Variants in PLXDC2 observed in about 807,000 individuals in gnomAD.
PLXDC2 encodes plexin domain containing 2.
A neutral mutation model predicts 68.9 loss-of-function variants in PLXDC2; 40 were observed. The ratio of observed to expected loss-of-function variants is 0.58; its 90% confidence interval spans 0.45 to 0.76. PLXDC2 has a LOEUF of 0.76. PLXDC2 is among the 30% of genes least tolerant of loss of function. PLXDC2 has a pLI of 0.00. For missense variants in PLXDC2, 644 were observed against 661.9 expected (o/e 0.97, Z 0.30); for synonymous variants, 243 against 234.2 (o/e 1.04, Z -0.34).
At chr10:20,143,655 G>A (rs1047171460) in intron 5 of PLXDC2, among the ~76,000 whole-genome samples, 2 of 151,982 alleles carry the variant, frequency 1.3e-5, no homozygotes, top group Non-Finnish European at 2.9e-5. Flanking sequence ...CTGTAGACAA[G>A]ACCTCAGACA....
At chr10:19,830,059 C>A (rs1208749928) in intron 1 of PLXDC2, among the ~76,000 whole-genome samples, 2 of 152,170 alleles carry the variant, frequency 1.3e-5, no homozygotes, top group African/African-American at 4.8e-5. Flanking sequence ...TAATTTGCTT[C>A]TCTGGAGAGA....
chr10:19,935,598 G>A (rs1157990831), intron 1 of PLXDC2, among the ~76,000 whole-genome samples: 1 of 152,202 alleles, frequency 6.6e-6, no homozygotes, highest in Non-Finnish European at 1.5e-5. Flanking sequence ...AAGAGGCAAA[G>A]AGATGCTTGG....
intron 1 of PLXDC2, among the ~76,000 whole-genome samples, chr10:19,835,038 C>T (rs528336680): frequency 2.6e-5 from 4 of 152,218 alleles, no homozygotes; most frequent in African/African-American, 9.6e-5. Context: ...GATGGAAAGG[C>T]ATCCTGAACA....
chr10:20,164,693 G>T, intron 7 of PLXDC2, 126 bp downstream of exon 7: 1 of 729,706 alleles, frequency 1.4e-6, no homozygotes, highest in Non-Finnish European at 2.4e-6. Context: ...ATTAATGCTT[G>T]TTAATTCTGT....
At chr10:20,184,864 T>C (rs991951292) in intron 9 of PLXDC2, among the ~76,000 whole-genome samples, 1 of 151,706 alleles carries the variant, frequency 6.6e-6, no homozygotes, top group Non-Finnish European at 1.5e-5. Context: ...TGGATGAAGA[T>C]GGAAACAATA....
intron 1 of PLXDC2, among the ~76,000 whole-genome samples, chr10:19,965,718 TG>T (rs35811823): frequency 0.38 from 51,604 of 135,252 alleles, 9,348 homozygotes; most frequent in Middle Eastern, 0.43. Flanking sequence ...CAGTTTTTTT[TG>T]GGGGGGGGGG....
chr10:20,044,207 C>CTGTCTTTCTTTCTT (rs1409929525), intron 2 of PLXDC2, among the ~76,000 whole-genome samples: 1 of 89,958 alleles, frequency 1.1e-5, no homozygotes, highest in African/African-American at 4.9e-5. Context: ...CTCTCTCTCT[C>CTGTCTTTCTTTCTT]TCTGTCTTTC....
chr10:19,923,139 T>C (rs1434498945), intron 1 of PLXDC2, among the ~76,000 whole-genome samples: 1 of 152,216 alleles, frequency 6.6e-6, no homozygotes, highest in Non-Finnish European at 1.5e-5. Context: ...AGTTGTAAAT[T>C]GCCAGCATTA....
intron 1 of PLXDC2, among the ~76,000 whole-genome samples, chr10:19,957,621 T>G (rs922218717): frequency 1.3e-5 from 2 of 152,144 alleles, no homozygotes; most frequent in Non-Finnish European, 2.9e-5. Context: ...TGGCTCCTCA[T>G]GATGGGCATG....
chr10:20,196,704 T>C (rs1260740507), intron 9 of PLXDC2, among the ~76,000 whole-genome samples: 3 of 152,154 alleles, frequency 2.0e-5, no homozygotes, highest in Non-Finnish European at 4.4e-5. Context: ...TTGCAGTTGT[T>C]AAATGGGAAA....
intron 1 of PLXDC2, among the ~76,000 whole-genome samples, chr10:19,994,828 C>T (rs952003858): frequency 3.3e-5 from 5 of 151,892 alleles, no homozygotes; most frequent in African/African-American, 7.3e-5. Flanking sequence ...CTGCAACCTC[C>T]GCTTCCCGTG....
At chr10:20,262,353 G>A (rs1340290868) in intron 13 of PLXDC2, among the ~76,000 whole-genome samples, 1 of 152,200 alleles carries the variant, frequency 6.6e-6, no homozygotes. Context: ...GTTATCTGAA[G>A]TTTCAGTGTG....
At chr10:20,244,195 A>G (rs1216569023) in intron 12 of PLXDC2, among the ~76,000 whole-genome samples, 2 of 152,328 alleles carry the variant, frequency 1.3e-5, no homozygotes, top group South Asian at 2.1e-4. Flanking sequence ...TTAAGATACA[A>G]CTTACTGTAT....
rs1462811822 is a variant in PLXDC2 at position 20,106,868 on chromosome 10, A to G, written c.542-36427A>G. ...TATATACCATATACCATAATATACA[A>G]TATACTATTTGCTATATCGTGGATG... On this transcript the variant is annotated intron_variant, in intron 4 of 13. Coordinates refer to ENST00000377252, the MANE Select transcript of PLXDC2 (RefSeq NM_032812.9). 2.6e-5 allele frequency among the ~76,000 whole-genome samples: 4 copies of G among 151,846 alleles called. No individual in the cohort carries two copies. In the South Asian group the frequency reaches 6.2e-4, roughly 24 times the overall value.
chr10:19,833,683 A>G (rs1768863979), intron 1 of PLXDC2, among the ~76,000 whole-genome samples: 1 of 152,210 alleles, frequency 6.6e-6, no homozygotes, highest in African/African-American at 2.4e-5. Context: ...AGGGATAAAT[A>G]AACCACCTTA....
intron 4 of PLXDC2, among the ~76,000 whole-genome samples, chr10:20,074,712 A>G (rs905029867): frequency 6.6e-6 from 1 of 152,164 alleles, no homozygotes; most frequent in Non-Finnish European, 1.5e-5. Flanking sequence ...CAGGAATAAA[A>G]GGCTTTTTAG....
At chr10:20,141,180 A>G (rs1227339778) in intron 4 of PLXDC2, among the ~76,000 whole-genome samples, 1 of 152,146 alleles carries the variant, frequency 6.6e-6, no homozygotes, top group East Asian at 1.9e-4. Context: ...ATCAAAAGAA[A>G]TAACAGTTAA....
chr10:19,921,024 C>T (rs932500800), intron 1 of PLXDC2, among the ~76,000 whole-genome samples: 2 of 151,880 alleles, frequency 1.3e-5, no homozygotes, highest in Non-Finnish European at 2.9e-5. Context: ...AACTCCTGGG[C>T]TCAAACAGTC....
At chr10:19,909,064 A>G (rs1833219805) in intron 1 of PLXDC2, among the ~76,000 whole-genome samples, 2 of 152,222 alleles carry the variant, frequency 1.3e-5, no homozygotes, top group Non-Finnish European at 2.9e-5. Flanking sequence ...AAATGTCAGC[A>G]TTCTGGTGTG....
Sources: gnomAD v4.1 joint callset for allele counts (sites outside exome capture counted in the v4.1 genomes callset) on GRCh38, gnomAD v4.1.1 for gene constraint, MANE v1.5 for transcripts, NCBI Gene and HGNC (gene_info 2026-07-23, HGNC 2026-07-21) for gene names.